PTPN1: variants seen among roughly 807,000 people sequenced by gnomAD.
PTPN1 encodes tyrosine-protein phosphatase non-receptor type 1.
In PTPN1, 12 loss-of-function variants were observed where a neutral mutation model predicts 59.9. The ratio of observed to expected loss-of-function variants is 0.20; its 90% confidence interval spans 0.13 to 0.32. The LOEUF is 0.32. Among genes scored for constraint, PTPN1 ranks in the 10% least tolerant of loss-of-function variants. The pLI is 1.00. For synonymous variants in PTPN1, 178 were observed against 203.6 expected, an observed-to-expected ratio of 0.87 and a Z score of 1.07; for missense variants, 356 against 549.2, an observed-to-expected ratio of 0.65 and a Z score of 3.52.
chr20:50,543,656 G>A (rs984969849), intron 1 of PTPN1, among the ~76,000 whole-genome samples: 2 of 152,172 alleles, frequency 1.3e-5, no homozygotes, highest in Non-Finnish European at 2.9e-5. Context: ...AGTATGAGAC[G>A]TAAAGGCAAT....
At chr20:50,572,077 A>T (rs1296214920) in intron 4 of PTPN1, 1 of 152,232 alleles carries the variant, frequency 6.6e-6, no homozygotes, top group Admixed American at 6.5e-5. Flanking sequence ...TGTCTTTCAT[A>T]GGTTTTCCAA....
intron 1 of PTPN1, among the ~76,000 whole-genome samples, chr20:50,553,805 G>A (rs1017616059): frequency 2.0e-5 from 3 of 151,950 alleles, no homozygotes; most frequent in African/African-American, 4.8e-5. Context: ...AAAAACAACC[G>A]AATACCATTT....
chr20:50,526,068 G>A lies in PTPN1; in HGVS notation c.63+15478G>A, dbSNP rs115380145. Among the ~76,000 whole-genome samples the A allele has an allele frequency of 3.1e-3, 475 of 152,182 alleles. 4 individuals carry two copies. Among genetic ancestry groups the A allele is most frequent in the African/African-American group, 8.8e-3 (367 of 41,512 alleles). On this transcript the variant is annotated intron_variant, in intron 1 of 9. Coordinates refer to ENST00000371621, the MANE Select transcript of PTPN1 (RefSeq NM_002827.4). ...GAGAGTGAAAATGCCTGAGGGGTGC[G>A]GGGGAGCACATAGGGTGTATGTGTG...
At chr20:50,580,039 T>G in intron 8 of PTPN1, 113 bp downstream of exon 8, 1 of 969,424 alleles carries the variant, frequency 1.0e-6, no homozygotes. Context: ...CAAGCAGCGC[T>G]TCCGCATCCT....
chr20:50,552,688 ATTT>A (rs35970690), intron 1 of PTPN1, among the ~76,000 whole-genome samples: 2 of 145,210 alleles, frequency 1.4e-5, no homozygotes, highest in Non-Finnish European at 1.5e-5. Flanking sequence ...GAAAAAAAAA[ATTT>A]TTTTTTTTTT....
chr20:50,565,648 T>C (rs1225494604), intron 3 of PTPN1, among the ~76,000 whole-genome samples: 1 of 152,220 alleles, frequency 6.6e-6, no homozygotes, highest in Non-Finnish European at 1.5e-5. Context: ...CTCAGTGGCA[T>C]GTGACCAAAA....
intron 1 of PTPN1, among the ~76,000 whole-genome samples, chr20:50,543,353 CT>C (rs2082660780): frequency 6.6e-6 from 1 of 152,184 alleles, no homozygotes; most frequent in South Asian, 2.1e-4. Flanking sequence ...TTGTGTTCCT[CT>C]TGACCTTTAA....
intron 1 of PTPN1, among the ~76,000 whole-genome samples, chr20:50,545,805 C>A (rs144618034): frequency 6.6e-6 from 1 of 152,182 alleles, no homozygotes; most frequent in East Asian, 1.9e-4. Flanking sequence ...CGCTTGAGCC[C>A]AGGAGTTCAA....
At chr20:50,518,561 C>G (rs916376818) in intron 1 of PTPN1, among the ~76,000 whole-genome samples, 1 of 152,108 alleles carries the variant, frequency 6.6e-6, no homozygotes, top group Admixed American at 6.6e-5. Context: ...AGAAAAGAGG[C>G]CTCTAAGAAG....
intron 1 of PTPN1, among the ~76,000 whole-genome samples, chr20:50,543,581 A>G (rs971014121): frequency 3.3e-5 from 5 of 152,236 alleles, no homozygotes; most frequent in African/African-American, 4.8e-5. Context: ...AACACAAAGA[A>G]GACACCAAGC....
intron 1 of PTPN1, among the ~76,000 whole-genome samples, chr20:50,537,374 T>C (rs1420773635): frequency 2.0e-5 from 3 of 151,934 alleles, no homozygotes; most frequent in Admixed American, 6.6e-5. Context: ...AACAGAGAGA[T>C]CCCATGTGCG....
intron 1 of PTPN1, among the ~76,000 whole-genome samples, chr20:50,532,717 G>T (rs2082606716): frequency 6.6e-6 from 1 of 151,772 alleles, no homozygotes; most frequent in Non-Finnish European, 1.5e-5. Flanking sequence ...TGGATGATGG[G>T]GTGTGTGTGT....
intron 1 of PTPN1, among the ~76,000 whole-genome samples, chr20:50,514,010 G>T (rs1203111654): frequency 6.6e-6 from 1 of 152,134 alleles, no homozygotes. Flanking sequence ...ACTAAATTTA[G>T]GTGTCTGATC....
chr20:50,579,814 G>C lies in PTPN1; in HGVS notation c.976G>C (p.Glu326Gln). 1 of 1,614,126 alleles carries C rather than the reference G, an allele frequency of 6.2e-7. No homozygotes were observed. The highest frequency in any genetic ancestry group is 8.5e-7 in the Non-Finnish European group (1 of 1,180,008). Residue 326 changes from glutamate (E) to glutamine (Q), a missense_variant, in exon 8 of 10, where the codon GAG (glutamate) becomes CAG (glutamine). This residue lies in a region of PTPN1 where 100 missense variants were observed against 107.7 expected (regional missense o/e 0.93). Coordinates refer to ENST00000371621, the MANE Select transcript of PTPN1 (RefSeq NM_002827.4). Reference sequence around the variant, plus strand: ...GGAGCCACACAATGGGAAATGCAGGGAGTTCTTCCCAAATCACCAGTGGGT... The same window carrying C: ...GGAGCCACACAATGGGAAATGCAGGCAGTTCTTCCCAAATCACCAGTGGGT... ...ILEPHNGKCR[E>Q]FFPNHQWVKE...
In PTPN1 at chr20:50,579,770, G is replaced by A. The variant is rs963999479; in HGVS notation, c.932G>A (p.Arg311Gln). 28 of 1,598,970 alleles carry A rather than the reference G, an allele frequency of 1.8e-5. No homozygotes were observed. Among genetic ancestry groups the A allele is most frequent in the Non-Finnish European group, 2.3e-5 (27 of 1,168,332 alleles). ...CCCGAGCATATCCCCCCACCTCCCC[G>A]GCCACCCAAACGAATCCTGGAGCCA... ...PPPEHIPPPP[R>Q]PPKRILEPHN... The change falls in exon 8 of 10, where the codon CGG becomes CAG. Residue 311 changes from arginine to glutamine, a missense_variant. Transcript: ENST00000371621.
chr20:50,576,011 G>A (rs1206506122), intron 5 of PTPN1, among the ~76,000 whole-genome samples: 3 of 152,186 alleles, frequency 2.0e-5, no homozygotes, highest in Non-Finnish European at 4.4e-5. Context: ...GGTTCGGGCT[G>A]CCTGGCTCTT....
intron 1 of PTPN1, among the ~76,000 whole-genome samples, chr20:50,534,900 T>C (rs1199322421): frequency 6.6e-6 from 1 of 151,920 alleles, no homozygotes; most frequent in Non-Finnish European, 1.5e-5. Context: ...TAACTTTTTA[T>C]TTTTATTTTT....
At chr20:50,519,437 G>A (rs1209120086) in intron 1 of PTPN1, among the ~76,000 whole-genome samples, 2 of 152,112 alleles carry the variant, frequency 1.3e-5, no homozygotes, top group Non-Finnish European at 1.5e-5. Flanking sequence ...ACAAACTTTT[G>A]GTTTCCCAAT....
intron 1 of PTPN1, among the ~76,000 whole-genome samples, chr20:50,524,604 TCTCG>T (rs2082565990): frequency 8.1e-6 from 1 of 123,944 alleles, no homozygotes; most frequent in South Asian, 2.5e-4. Context: ...TGAGGTGGAG[TCTCG>T]CTCTGTCACC....
Sources: gnomAD v4.1 joint callset for allele counts (sites outside exome capture counted in the v4.1 genomes callset) on GRCh38, gnomAD v4.1.1 for gene constraint, gnomAD v4.1.1 regional missense constraint, MANE v1.5 for transcripts, NCBI Gene and HGNC (gene_info 2026-07-23, HGNC 2026-07-21) for gene names.